Variants in PTPRO observed in about 807,000 individuals in gnomAD.
The protein encoded by PTPRO is receptor-type tyrosine-protein phosphatase O.
Under a neutral mutation model 145.2 loss-of-function variants are expected in PTPRO, and 62 were observed. The ratio of observed to expected loss-of-function variants is 0.43; its 90% CI spans 0.35 to 0.53. The LOEUF (loss-of-function observed/expected upper bound fraction) is 0.53, where lower values mean the gene tolerates loss of function less well. PTPRO is among the 20% of genes least tolerant of loss of function. PTPRO has a pLI of 0.01. For synonymous variants in PTPRO, 565 were observed against 514.7 expected, an observed-to-expected ratio of 1.10 and a Z score of -1.32; for missense variants, 1,345 against 1,482.7, an observed-to-expected ratio of 0.91 and a Z score of 1.53.
intron 15 of PTPRO, 79 bp from the exon 16 acceptor site, chr12:15,557,374 TAA>T: frequency 7.9e-7 from 1 of 1,262,366 alleles, no homozygotes; most frequent in Non-Finnish European, 1.2e-6. Context: ...GATAAGCTGG[TAA>T]AGACTCTCTT....
intron 2 of PTPRO, among the ~76,000 whole-genome samples, chr12:15,495,263 T>G (rs962560277): frequency 6.6e-6 from 1 of 151,444 alleles, no homozygotes; most frequent in Non-Finnish European, 1.5e-5. Flanking sequence ...TTCAGAAAAC[T>G]CCAGGAAAAA....
At position 15,549,134 on chromosome 12, in the gene PTPRO, G is replaced by A; in HGVS notation, c.2345G>A (p.Ser782Asn). The stretch of plus-strand genomic sequence containing the variant: ...TCTTCCCATGTCGTGACCATCTCCA[G>A]CCTTCTTCCTGCCACTGCCTACAAT... ...AVSSHVVTIS[S>N]LLPATAYNCS... is the part of the protein sequence containing the mutation. Residue 782 changes from serine (S) to asparagine (N), a missense_variant, in exon 14 of 27, where the codon AGC becomes AAC. This residue lies in a region of PTPRO where 1,130 missense variants were observed against 1,214.7 expected (regional missense o/e 0.93). Coordinates refer to ENST00000281171, the MANE Select transcript of PTPRO (RefSeq NM_030667.3). 6.2e-7 allele frequency: 1 copy of A among 1,613,388 alleles called. No individual in the cohort carries two copies.
chr12:15,421,295 T>G (rs1565619745), intron 1 of PTPRO, among the ~76,000 whole-genome samples: 1 of 152,332 alleles, frequency 6.6e-6, no homozygotes, highest in East Asian at 1.9e-4. Flanking sequence ...AACCAGTGGT[T>G]GTGATATTTA....
At chr12:15,531,871 T>C (rs1017903669) in intron 12 of PTPRO, among the ~76,000 whole-genome samples, 1 of 152,222 alleles carries the variant, frequency 6.6e-6, no homozygotes, top group South Asian at 2.1e-4. Context: ...CTAATTTTTG[T>C]GTCTGAATTT....
chr12:15,578,913 T>C lies in PTPRO; in HGVS notation c.2890T>C (p.Cys964Arg). Residue 964 changes from cysteine to arginine, a missense_variant, in exon 20 of 27, where the codon TGT (cysteine) becomes CGT (arginine). Physicochemically the swap from Cys to Arg is radical, Grantham distance 180. Coordinates refer to ENST00000281171, the MANE Select transcript of PTPRO (RefSeq NM_030667.3). ...TGCTGCAGATCTTCCACTGAATCGA[T>C]GTAAAAACCGTTACACAAACATCCT... ...HFAADLPLNRCKNRYTNILPY... is the reference protein window; with the variant it reads ...HFAADLPLNRRKNRYTNILPY... The C allele has an allele frequency of 1.2e-6, 2 of 1,605,686 alleles. No individual in the cohort carries two copies. Among genetic ancestry groups the C allele is most frequent in the Admixed American group, 3.3e-5 (2 of 59,998 alleles).
intron 1 of PTPRO, among the ~76,000 whole-genome samples, chr12:15,404,846 A>G (rs986666361): frequency 6.6e-6 from 1 of 152,198 alleles, no homozygotes; most frequent in Non-Finnish European, 1.5e-5. Flanking sequence ...TTCCAAAAAT[A>G]CCATAGACTA....
intron 9 of PTPRO, 26 bp downstream of exon 9, chr12:15,516,982 G>C: frequency 6.3e-7 from 1 of 1,588,048 alleles, no homozygotes; most frequent in Non-Finnish European, 8.6e-7. Flanking sequence ...CCAACTGTCA[G>C]TCTTTCCTAT....
chr12:15,587,947 T>G (rs34053999), intron 24 of PTPRO, among the ~76,000 whole-genome samples: 1 of 152,156 alleles, frequency 6.6e-6, no homozygotes, highest in Non-Finnish European at 1.5e-5. Context: ...TGTGCATTCA[T>G]GTGTGTTTGT....
intron 19 of PTPRO, 92 bp downstream of exon 19, chr12:15,569,590 AGTGCGT>A: frequency 2.7e-6 from 3 of 1,125,778 alleles, no homozygotes; most frequent in African/African-American, 3.1e-5. Context: ...GCTCACTGGC[AGTGCGT>A]AACAAAAAGG....
At chr12:15,423,304 C>T (rs376261425) in intron 1 of PTPRO, among the ~76,000 whole-genome samples, 8 of 151,968 alleles carry the variant, frequency 5.3e-5, no homozygotes, top group East Asian at 1.9e-4. Context: ...TACAATTTAC[C>T]GATCTTGTGA....
At position 15,560,203 on chromosome 12, in the gene PTPRO, A is replaced by G. The variant is rs1943736336; in HGVS notation, c.2638A>G (p.Ile880Val). The G allele has an allele frequency of 6.3e-7, 1 of 1,587,292 alleles. No individual in the cohort carries two copies. The highest frequency in any genetic ancestry group is 2.2e-5 in the East Asian group (1 of 44,636). ...TATTAATGCACACAGGCGTAGGAGT[A>G]TATTTGCTTTCTTAACCCTGCTACC... ...GKLPYNWRRS[I>V]FAFLTLLPSC... Residue 880 changes from isoleucine (I) to valine (V), a missense_variant, in exon 17 of 27, where the codon ATA (isoleucine) becomes GTA (valine). Around this residue, in one of 3 missense-constraint regions of PTPRO, gnomAD observed 1,130 missense variants for 1,214.7 expected, o/e 0.93. Transcript: ENST00000281171.
At chr12:15,513,539 A>AT (rs1942512690) in intron 7 of PTPRO, among the ~76,000 whole-genome samples, 1 of 152,218 alleles carries the variant, frequency 6.6e-6, no homozygotes, top group Admixed American at 6.5e-5. Context: ...AGTTGTACCA[A>AT]TTCAGATTAC....
At chr12:15,559,100 C>G (rs1943710862) in intron 16 of PTPRO, among the ~76,000 whole-genome samples, 1 of 152,112 alleles carries the variant, frequency 6.6e-6, no homozygotes, top group Non-Finnish European at 1.5e-5. Context: ...CATCTAGGAA[C>G]CAATCCAATT....
intron 25 of PTPRO, among the ~76,000 whole-genome samples, chr12:15,591,420 T>C (rs1258230859): frequency 1.3e-5 from 2 of 152,108 alleles, no homozygotes; most frequent in Non-Finnish European, 2.9e-5. Context: ...CTGTTTGCTT[T>C]TGACTTTTCT....
chr12:15,333,258 A>T (rs141286334), intron 1 of PTPRO, among the ~76,000 whole-genome samples: 1,931 of 152,310 alleles, frequency 0.013, 22 homozygotes, highest in Non-Finnish European at 0.015. Flanking sequence ...ATCTAAAATC[A>T]TCCCTATCAC....
chr12:15,514,220 G>A (rs2136497828), intron 7 of PTPRO, among the ~76,000 whole-genome samples: 1 of 152,188 alleles, frequency 6.6e-6, no homozygotes, highest in African/African-American at 2.4e-5. Context: ...GAAGGCCCAG[G>A]CACGTGGATC....
chr12:15,497,271 A>G lies in PTPRO; in HGVS notation c.376A>G (p.Ile126Val). ...TKPLPVTSVS[I>V]YDYKPSPETG... ...ACCTCTACCTGTAACCAGTGTTTCC[A>G]TATATGACTATAAACCTTCTCCTGA... Residue 126 changes from isoleucine (I) to valine (V), a missense_variant, in exon 3 of 27, where the codon ATA (isoleucine) becomes GTA (valine). This residue lies in a region of PTPRO where 1,130 missense variants were observed against 1,214.7 expected (regional missense o/e 0.93). Transcript: ENST00000281171. The G allele has an allele frequency of 6.3e-7, 1 of 1,579,126 alleles. No individual in the cohort carries two copies. Among genetic ancestry groups the G allele is most frequent in the Non-Finnish European group, 8.7e-7 (1 of 1,148,604 alleles).
chr12:15,413,134 A>T (rs901371371), intron 1 of PTPRO, among the ~76,000 whole-genome samples: 1 of 152,148 alleles, frequency 6.6e-6, no homozygotes, highest in Non-Finnish European at 1.5e-5. Flanking sequence ...TCTGTCACCC[A>T]GGCTGGAATG....
chr12:15,589,790 T>C (rs376253650), intron 25 of PTPRO, among the ~76,000 whole-genome samples, 200 bp downstream of exon 25: 1 of 152,196 alleles, frequency 6.6e-6, no homozygotes, highest in East Asian at 1.9e-4. Context: ...CATATAGTGA[T>C]TATACTTTTA....
Sources: allele counts gnomAD v4.1 joint callset (sites outside exome capture counted in the v4.1 genomes callset), GRCh38; gene constraint gnomAD v4.1.1; regional missense constraint gnomAD v4.1.1; transcripts MANE v1.5; gene names NCBI Gene and HGNC (gene_info 2026-07-23, HGNC 2026-07-21).